The following LOC400499 variants were observed in gnomAD, a reference collection of about 807,000 sequenced individuals.
chr16:11,446,723 C>G, the LOC400499 span: 1 of 1,533,838 alleles, frequency 6.5e-7, no homozygotes, highest in Non-Finnish European at 8.7e-7. Flanking sequence ...AGGCCCCTTC[C>G]GGGCTATGCC....
the LOC400499 span, among the ~76,000 whole-genome samples, chr16:11,412,647 C>A: frequency 6.6e-6 from 1 of 152,224 alleles, no homozygotes; most frequent in Admixed American, 6.5e-5. Context: ...AGTGCCCTGC[C>A]TGGAGAGGAT....
At chr16:11,495,971 G>T in the LOC400499 span, among the ~76,000 whole-genome samples, 1 of 152,166 alleles carries the variant, frequency 6.6e-6, no homozygotes, top group Non-Finnish European at 1.5e-5. Flanking sequence ...CTGGGGCCCT[G>T]GCTGTGAACA....
the LOC400499 span, among the ~76,000 whole-genome samples, chr16:11,375,331 G>T: frequency 0.15 from 3,397 of 22,412 alleles, 272 homozygotes; most frequent in Middle Eastern, 0.3. Context: ...TTTTTTTTTT[G>T]GAGACAGAGT....
At chr16:11,505,600 C>G in the LOC400499 span, among the ~76,000 whole-genome samples, 1 of 151,112 alleles carries the variant, frequency 6.6e-6, no homozygotes, top group Non-Finnish European at 1.5e-5. Context: ...ACCACAGGCA[C>G]GTACCACCAT....
At chr16:11,387,027 C>T in the LOC400499 span, 2 of 1,085,392 alleles carry the variant, frequency 1.8e-6, no homozygotes, top group Non-Finnish European at 2.3e-6. Flanking sequence ...CACTGTGATG[C>T]TACTAGCCTA....
At chr16:11,434,382 G>A in the LOC400499 span, among the ~76,000 whole-genome samples, 1 of 152,092 alleles carries the variant, frequency 6.6e-6, no homozygotes, top group African/African-American at 2.4e-5. Context: ...AAATTATCCA[G>A]GTGCGGTGGT....
the LOC400499 span, among the ~76,000 whole-genome samples, chr16:11,495,600 G>A: frequency 6.6e-6 from 1 of 152,128 alleles, no homozygotes; most frequent in East Asian, 1.9e-4. Flanking sequence ...GGCTGGTGGT[G>A]AACCCCTGAC....
At chr16:11,443,330 CAA>C in the LOC400499 span, 2,050 of 258,664 alleles carry the variant, frequency 7.9e-3, no homozygotes, top group East Asian at 0.011. Context: ...TCCTCAGTCT[CAA>C]AAAAAAAAAA....
the LOC400499 span, among the ~76,000 whole-genome samples, chr16:11,504,192 A>C: frequency 6.6e-6 from 1 of 152,184 alleles, no homozygotes; most frequent in East Asian, 1.9e-4. Context: ...GAACAAATTC[A>C]AAAGGAGAAA....
the LOC400499 span, among the ~76,000 whole-genome samples, chr16:11,389,311 G>C: frequency 6.6e-6 from 1 of 152,188 alleles, no homozygotes; most frequent in Non-Finnish European, 1.5e-5. Context: ...GTGGTAAATG[G>C]TGACCAGTGG....
chr16:11,448,300 A>C, the LOC400499 span, among the ~76,000 whole-genome samples: 1 of 152,232 alleles, frequency 6.6e-6, no homozygotes, highest in Non-Finnish European at 1.5e-5. Context: ...GGGGGAAAGA[A>C]GAACTTGGAC....
At chr16:11,517,308 G>A in the LOC400499 span, among the ~76,000 whole-genome samples, 1 of 152,038 alleles carries the variant, frequency 6.6e-6, no homozygotes, top group Admixed American at 6.6e-5. Context: ...GCACTCTGGG[G>A]AGCCTTCACT....
chr16:11,509,537 T>G, the LOC400499 span, among the ~76,000 whole-genome samples: 1 of 151,260 alleles, frequency 6.6e-6, no homozygotes, highest in East Asian at 2.0e-4. Flanking sequence ...AAAATAAAAA[T>G]AGACCACTCT....
the LOC400499 span, among the ~76,000 whole-genome samples, chr16:11,470,876 G>T: frequency 6.6e-6 from 1 of 152,190 alleles, no homozygotes; most frequent in African/African-American, 2.4e-5. Flanking sequence ...GAGTTAGGTG[G>T]ATGTCCCGGG....
At chr16:11,476,795 G>A in the LOC400499 span, 5 of 399,202 alleles carry the variant, frequency 1.3e-5, no homozygotes, top group Non-Finnish European at 2.2e-5. Flanking sequence ...GCCTCCTCAG[G>A]CGTGTTCAGA....
chr16:11,374,208 A>C, the LOC400499 span, among the ~76,000 whole-genome samples: 1 of 151,928 alleles, frequency 6.6e-6, no homozygotes, highest in African/African-American at 2.4e-5. Context: ...GCTAGCTTTT[A>C]CTCTTAGAAT....
At chr16:11,513,696 G>A in the LOC400499 span, among the ~76,000 whole-genome samples, 3 of 151,982 alleles carry the variant, frequency 2.0e-5, no homozygotes, top group Admixed American at 6.6e-5. Context: ...CTCCCAAACC[G>A]CTGGGATTAT....
chr16:11,450,100 A>G, the LOC400499 span, among the ~76,000 whole-genome samples: 1 of 152,160 alleles, frequency 6.6e-6, no homozygotes, highest in East Asian at 1.9e-4. Flanking sequence ...GATGAGCCCA[A>G]TCAAGGCCCA....
the LOC400499 span, chr16:11,372,216 G>A: frequency 6.6e-6 from 1 of 152,170 alleles, no homozygotes; most frequent in East Asian, 1.9e-4. Context: ...GCCTACCTGG[G>A]CTTCTGATTA....
Sources: gnomAD v4.1 joint callset for allele counts (sites outside exome capture counted in the v4.1 genomes callset) on GRCh38, gnomAD v4.1.1 for gene constraint, MANE v1.5 for transcripts.